The following SNRPA1 variants were observed in gnomAD, a reference collection of about 807,000 sequenced individuals.
SNRPA1 encodes small nuclear ribonucleoprotein polypeptide A'.
In SNRPA1, 5 loss-of-function variants were observed where a neutral mutation model predicts 32.3. The ratio of observed to expected loss-of-function variants is 0.15; its 90% CI spans 0.08 to 0.33. The LOEUF (loss-of-function observed/expected upper bound fraction) is 0.33, where lower values mean the gene tolerates loss of function less well. SNRPA1 is among the 10% of genes least tolerant of loss of function. The pLI, the probability that SNRPA1 is intolerant of heterozygous loss-of-function variation, is 1.00. For synonymous variants in SNRPA1, 111 were observed against 120.1 expected, an observed-to-expected ratio of 0.92 and a Z score of 0.50; for missense variants, 198 against 311.1, an observed-to-expected ratio of 0.64 and a Z score of 2.74.
chr15:101,288,979 G>A (rs1370225086), intron 3 of SNRPA1, among the ~76,000 whole-genome samples: 1 of 152,220 alleles, frequency 6.6e-6, no homozygotes, highest in African/African-American at 2.4e-5. Flanking sequence ...TGGTGGGGAA[G>A]GGGTGTGTGT....
chr15:101,293,250 A>G, intron 1 of SNRPA1, 78 bp from the exon 2 acceptor site: 1 of 974,750 alleles, frequency 1.0e-6, no homozygotes. Context: ...GCTGTATTTC[A>G]TAGTATCTGA....
rs369821067 is a variant in SNRPA1 at position 101,291,970 on chromosome 15, C to A, written c.301G>T (p.Val101Leu). Reference protein sequence around the residue: ...TELILTNNSLVELGDLDPLAS... With the variant: ...TELILTNNSLLELGDLDPLAS... ...CCTTCTGTGCAACTTACCAGTTCCA[C>A]GAGACTATTATTGGTGAGAATGAGT... Residue 101 changes from valine to leucine, a missense_variant, in exon 3 of 9, where the codon GTG (valine) becomes TTG (leucine). Val to Leu is a conservative substitution (Grantham distance 32). Around this residue, in one of 3 missense-constraint regions of SNRPA1, gnomAD observed 119 missense variants for 171.6 expected, o/e 0.69. Coordinates refer to ENST00000254193, the MANE Select transcript of SNRPA1 (RefSeq NM_003090.4). 1.9e-6 allele frequency: 3 copies of A among 1,609,464 alleles called. No individual in the cohort carries two copies. Among genetic ancestry groups the A allele is most frequent in the South Asian group, 2.2e-5 (2 of 90,904 alleles).
intron 3 of SNRPA1, among the ~76,000 whole-genome samples, chr15:101,290,903 G>A (rs1031951509): frequency 3.3e-5 from 5 of 151,868 alleles, no homozygotes; most frequent in Admixed American, 6.6e-5. Flanking sequence ...CACCACGCCC[G>A]GCTAATTTTT....
At chr15:101,287,194 TA>T (rs2039465347) in intron 4 of SNRPA1, among the ~76,000 whole-genome samples, 184 bp from the exon 5 acceptor site, 1 of 152,210 alleles carries the variant, frequency 6.6e-6, no homozygotes, top group Non-Finnish European at 1.5e-5. Context: ...ACTTTTTTTT[TA>T]AATTATACTT....
intron 8 of SNRPA1, among the ~76,000 whole-genome samples, chr15:101,283,296 C>T (rs2039417213): frequency 6.6e-6 from 1 of 152,090 alleles, no homozygotes; most frequent in South Asian, 2.1e-4. Flanking sequence ...CGCCTGTAAT[C>T]CCAGCACTTT....
intron 5 of SNRPA1, chr15:101,286,552 A>T (rs1274120574): frequency 1.6e-5 from 8 of 487,622 alleles, no homozygotes; most frequent in Non-Finnish European, 2.5e-5. Flanking sequence ...AAAATAATGA[A>T]TTCCTAATAA....
Position 101,293,016 on chromosome 15 carries a change from G to C in SNRPA1, c.230+9C>G. The C allele has an allele frequency of 6.3e-7, 1 of 1,594,740 alleles. No homozygotes were observed. The highest frequency in any genetic ancestry group is 8.5e-7 in the Non-Finnish European group (1 of 1,170,896). On this transcript the variant is annotated intron_variant, in intron 2 of 8. Transcript: ENST00000254193. ...GGGGAAAAAATTACTTTCCCCTACA[G>C]ACACGTACCATATTCTGTTGTTGTT... is the stretch of plus-strand genomic sequence containing the variant.
chr15:101,292,214 G>C (rs2039533605), intron 2 of SNRPA1, among the ~76,000 whole-genome samples, 174 bp from the exon 3 acceptor site: 1 of 152,216 alleles, frequency 6.6e-6, no homozygotes, highest in African/African-American at 2.4e-5. Context: ...GTCAGCAACA[G>C]AAGTGGGATT....
rs1361327184 is a variant in SNRPA1 at position 101,281,642 on chromosome 15, A to C, written c.*82T>G. ...CAATGCTGATAGATTCCACTTTGCTAACACAAACAAGGCTATTATACCATG... is the reference window on the plus strand; with the variant it reads ...CAATGCTGATAGATTCCACTTTGCTCACACAAACAAGGCTATTATACCATG... On this transcript the variant is annotated 3_prime_UTR_variant, in exon 9 of 9. Coordinates refer to ENST00000254193, the MANE Select transcript of SNRPA1 (RefSeq NM_003090.4). 2.0e-6 allele frequency: 2 copies of C among 985,372 alleles called. No individual in the cohort carries two copies. Among genetic ancestry groups the C allele is most frequent in the Non-Finnish European group, 3.3e-6 (2 of 613,226 alleles). 61.0% of individuals were successfully genotyped at this position (985,372 alleles called of 1,614,324 possible). A position where few individuals can be genotyped will look rare whatever the true frequency, so the allele number is the denominator to read the frequency against.
intron 8 of SNRPA1, among the ~76,000 whole-genome samples, chr15:101,283,020 CAA>C (rs770703687): frequency 3.3e-5 from 5 of 152,104 alleles, no homozygotes; most frequent in Non-Finnish European, 7.4e-5. Flanking sequence ...CCCAGAATAT[CAA>C]AGAGACGTGT....
At chr15:101,293,844 G>A (rs2039555693) in intron 1 of SNRPA1, among the ~76,000 whole-genome samples, 1 of 152,214 alleles carries the variant, frequency 6.6e-6, no homozygotes, top group African/African-American at 2.4e-5. Context: ...CAAAGTTAAA[G>A]GACACAATTC....
intron 2 of SNRPA1, among the ~76,000 whole-genome samples, chr15:101,292,546 A>C (rs915691799): frequency 6.6e-6 from 1 of 152,136 alleles, no homozygotes; most frequent in African/African-American, 2.4e-5. Context: ...GGGTCAAAAA[A>C]GATCTCAATT....
In SNRPA1 at chr15:101,286,009, A is replaced by C. The variant is rs56953340; in HGVS notation, c.539+205T>G. On this transcript the variant is annotated intron_variant, in intron 6 of 8. Transcript: ENST00000254193. The stretch of plus-strand genomic sequence containing the variant: ...TGTACATGGTATCACATGAAGACTG[A>C]CTACTGAAATATTTGCTCTGCTAAG... 4,825 of 630,626 alleles carry C rather than the reference A, an allele frequency of 7.7e-3. 231 individuals carry two copies. In the East Asian group the frequency reaches 0.098, roughly 13 times the overall value. 39.1% of individuals were successfully genotyped at this position (630,626 alleles called of 1,614,324 possible).
At chr15:101,291,835 C>A in intron 3 of SNRPA1, 127 bp downstream of exon 3, 1 of 608,352 alleles carries the variant, frequency 1.6e-6, no homozygotes, top group Non-Finnish European at 2.9e-6. Context: ...GGCCCAGATC[C>A]TGAATTAAGA....
Position 101,295,104 on chromosome 15 carries a change from G to A in SNRPA1, c.75C>T (p.Asp25=), listed in dbSNP as rs751569223. Residue 25 remains aspartate (D), a synonymous_variant, in exon 1 of 9, where the codon GAC becomes GAT. Transcript: ENST00000254193. ...CCACGCCCCCGGACTCACCCCGGAGGTCCAGCTCCCGGTCGCGCACCGCGT... is the reference window on the plus strand; with the variant it reads ...CCACGCCCCCGGACTCACCCCGGAGATCCAGCTCCCGGTCGCGCACCGCGT... The part of the protein sequence containing the change: ...YTNAVRDREL[D]LRGYKIPVIE... The A allele has an allele frequency of 1.1e-5, 17 of 1,530,492 alleles. No individual in the cohort carries two copies. The East Asian group carries it at 4.6e-4, about 41-fold the overall frequency. The allele number at this position is 1,530,492 out of a possible 1,614,324, so 94.8% of individuals were successfully genotyped here.
At chr15:101,293,202 G>A (rs749305933) in intron 1 of SNRPA1, 30 bp from the exon 2 acceptor site, 19 of 1,514,192 alleles carry the variant, frequency 1.3e-5, no homozygotes, top group Non-Finnish European at 1.5e-5. Flanking sequence ...AACACAAGAG[G>A]TATTAATATA....
At chr15:101,292,872 G>GA (rs1421247506) in intron 2 of SNRPA1, 153 bp downstream of exon 2, 7 of 470,992 alleles carry the variant, frequency 1.5e-5, no homozygotes, top group African/African-American at 1.4e-4. Context: ...TTCCATTATG[G>GA]AAAAAATATT....
intron 1 of SNRPA1, among the ~76,000 whole-genome samples, chr15:101,293,793 A>T (rs1021292815): frequency 5.9e-5 from 9 of 152,262 alleles, no homozygotes; most frequent in African/African-American, 2.2e-4. Flanking sequence ...AAGAAAAGAA[A>T]TATTCCGAAG....
At chr15:101,282,863 A>G (rs1567123068) in intron 8 of SNRPA1, among the ~76,000 whole-genome samples, 1 of 152,148 alleles carries the variant, frequency 6.6e-6, no homozygotes, top group Non-Finnish European at 1.5e-5. Flanking sequence ...TAAACCTTGA[A>G]TTTTCAATTG....
Sources: allele counts gnomAD v4.1 joint callset (sites outside exome capture counted in the v4.1 genomes callset), GRCh38; gene constraint gnomAD v4.1.1; regional missense constraint gnomAD v4.1.1; transcripts MANE v1.5; gene names NCBI Gene and HGNC (gene_info 2026-07-23, HGNC 2026-07-21).